The following RYR3 variants were observed in gnomAD, a reference collection of about 807,000 sequenced individuals.
RYR3 encodes the protein brain ryanodine receptor-calcium release channel.
In RYR3, 207 loss-of-function variants were observed where a neutral mutation model predicts 584.3. The observed-to-expected ratio is 0.35, with a 90% confidence interval of 0.32 to 0.40. The LOEUF is 0.40. RYR3 is among the 10% of genes least tolerant of loss of function. RYR3 has a pLI of 1.00. For missense variants in RYR3, 5,616 were observed against 6,089.2 expected (o/e 0.92, Z 2.59); for synonymous variants, 2,416 against 2,248.5 (o/e 1.07, Z -2.11).
At chr15:33,463,220 T>C (rs2048190446) in intron 1 of RYR3, among the ~76,000 whole-genome samples, 1 of 152,116 alleles carries the variant, frequency 6.6e-6, no homozygotes, top group Non-Finnish European at 1.5e-5. Context: ...AAAACTTTCC[T>C]GCCATAACTT....
chr15:33,318,026 A>G (rs1316321300), intron 1 of RYR3, among the ~76,000 whole-genome samples: 1 of 152,248 alleles, frequency 6.6e-6, no homozygotes, highest in African/African-American at 2.4e-5. Flanking sequence ...CAAACACTCT[A>G]TCCTAAAATC....
intron 66 of RYR3, 25 bp downstream of exon 66, chr15:33,786,007 C>A (rs1167280537): frequency 8.6e-6 from 13 of 1,505,150 alleles, no homozygotes; most frequent in Non-Finnish European, 1.2e-5. Flanking sequence ...CTCCCCAGTC[C>A]CCAGCCCAGG....
At chr15:33,794,935 G>A (rs8030488) in intron 67 of RYR3, among the ~76,000 whole-genome samples, 55,388 of 152,004 alleles carry the variant, frequency 0.36, 10,459 homozygotes, top group East Asian at 0.53. Context: ...GGAAAAGTGG[G>A]GAGCAAAAGA....
At chr15:33,376,443 G>A (rs1218794371) in intron 1 of RYR3, among the ~76,000 whole-genome samples, 2 of 152,186 alleles carry the variant, frequency 1.3e-5, no homozygotes, top group Non-Finnish European at 2.9e-5. Context: ...ATAAGTCCTT[G>A]TGGACATATG....
intron 3 of RYR3, among the ~76,000 whole-genome samples, chr15:33,511,606 T>A (rs35896394): frequency 0.33 from 47,688 of 146,684 alleles, 8,167 homozygotes; most frequent in African/African-American, 0.39. Context: ...TCTCTGCAAT[T>A]AAAAAAAAAA....
At chr15:33,524,254 T>C (rs549230368) in intron 3 of RYR3, among the ~76,000 whole-genome samples, 22 of 152,360 alleles carry the variant, frequency 1.4e-4, no homozygotes, top group Non-Finnish European at 2.5e-4. Flanking sequence ...GGTTTCCTTA[T>C]TCTTGCCTAT....
intron 1 of RYR3, among the ~76,000 whole-genome samples, chr15:33,454,215 G>A (rs752989949): frequency 6.6e-6 from 1 of 152,166 alleles, no homozygotes; most frequent in Non-Finnish European, 1.5e-5. Context: ...GACTAAGAAG[G>A]ACTAACGGCA....
intron 19 of RYR3, among the ~76,000 whole-genome samples, chr15:33,617,733 C>A (rs2060523958): frequency 6.7e-6 from 1 of 149,630 alleles, no homozygotes; most frequent in African/African-American, 2.5e-5. Context: ...GTTAATAATA[C>A]CTGATTAGGA....
At chr15:33,560,867 AAG>A (rs538545427) in intron 10 of RYR3, among the ~76,000 whole-genome samples, 19 of 152,352 alleles carry the variant, frequency 1.2e-4, no homozygotes, top group South Asian at 2.1e-4. Flanking sequence ...CTTTTTAAAA[AAG>A]AAAAATTCAT....
chr15:33,846,863 A>G (rs1402561434), intron 93 of RYR3, among the ~76,000 whole-genome samples: 1 of 152,274 alleles, frequency 6.6e-6, no homozygotes. Context: ...CAGAACACAT[A>G]GTAAACCCTC....
chr15:33,610,913 C>T, intron 18 of RYR3, among the ~76,000 whole-genome samples: 1 of 152,092 alleles, frequency 6.6e-6, no homozygotes, highest in South Asian at 2.1e-4. Context: ...TGAAGTTCCC[C>T]ACTTGTGCCA....
intron 94 of RYR3, chr15:33,850,408 T>G (rs1256293664): frequency 6.6e-6 from 1 of 151,252 alleles, no homozygotes; most frequent in African/African-American, 2.5e-5. Context: ...GCAGTTCAAT[T>G]TCTAGCAATG....
In RYR3 at chr15:33,864,052, C is replaced by G. The variant is rs751498745; in HGVS notation, c.14466-86C>G. ...TGTAGATAGCGTGGGACCAACTAGCCTTTCTGAGCCCTGATCACAGTTAAT... is the reference window on the plus strand; with the variant it reads ...TGTAGATAGCGTGGGACCAACTAGCGTTTCTGAGCCCTGATCACAGTTAAT... On this transcript the variant is annotated intron_variant, in intron 102 of 103. Coordinates refer to ENST00000634891, the MANE Select transcript of RYR3 (RefSeq NM_001036.6). The G allele has an allele frequency of 9.0e-6, 9 of 1,001,290 alleles. No homozygotes were observed. The East Asian group carries it at 2.3e-4, about 25-fold the overall frequency. The allele number at this position is 1,001,290 out of a possible 1,614,324, so 62.0% of individuals were successfully genotyped here.
At chr15:33,522,068 A>G (rs984178325) in intron 3 of RYR3, among the ~76,000 whole-genome samples, 2 of 149,316 alleles carry the variant, frequency 1.3e-5, no homozygotes, top group South Asian at 4.4e-4. Context: ...AGCCTGGCCA[A>G]TATGGCAAAA....
intron 52 of RYR3, among the ~76,000 whole-genome samples, chr15:33,744,701 G>A (rs2070505783): frequency 6.6e-6 from 1 of 152,210 alleles, no homozygotes; most frequent in African/African-American, 2.4e-5. Flanking sequence ...CTTGGGAACA[G>A]CAGGTGCAGA....
chr15:33,533,489 C>T (rs931583890), intron 5 of RYR3, 100 bp downstream of exon 5: 19 of 739,962 alleles, frequency 2.6e-5, no homozygotes, highest in Non-Finnish European at 3.9e-5. Context: ...GGATTCCAAA[C>T]CAACCTGGTT....
At chr15:33,573,735 A>AG (rs1389586751) in intron 12 of RYR3, among the ~76,000 whole-genome samples, 1 of 152,232 alleles carries the variant, frequency 6.6e-6, no homozygotes, top group African/African-American at 2.4e-5. Context: ...GAAGGTGGGA[A>AG]GGGATAGGTG....
At chr15:33,324,770 G>C (rs551394012) in intron 1 of RYR3, among the ~76,000 whole-genome samples, 2 of 152,290 alleles carry the variant, frequency 1.3e-5, no homozygotes, top group East Asian at 3.9e-4. Context: ...TCAACTCTCT[G>C]CTAAGTTCCC....
intron 1 of RYR3, among the ~76,000 whole-genome samples, chr15:33,338,068 C>T (rs1237627922): frequency 1.3e-5 from 2 of 151,442 alleles, no homozygotes; most frequent in African/African-American, 4.9e-5. Context: ...CCTCAGCCTC[C>T]CGAGTAGCTG....
Sources: allele counts gnomAD v4.1 joint callset (sites outside exome capture counted in the v4.1 genomes callset), GRCh38; gene constraint gnomAD v4.1.1; transcripts MANE v1.5; gene names NCBI Gene and HGNC (gene_info 2026-07-23, HGNC 2026-07-21).